Variants in NR2F2 observed in about 807,000 individuals in gnomAD.
NR2F2 encodes the protein nuclear receptor subfamily 2 group F member 2, also known as COUP transcription factor 2.
In NR2F2, 2 loss-of-function variants were observed where a neutral mutation model predicts 34.8. The observed-to-expected ratio is 0.06, with a 90% CI of 0.02 to 0.18. The LOEUF (loss-of-function observed/expected upper bound fraction) is 0.18. NR2F2 is among the 10% of genes least tolerant of loss of function. NR2F2 has a pLI of 1.00. For missense variants in NR2F2, 300 were observed against 580.1 expected (o/e 0.52, Z 4.96); for synonymous variants, 274 against 251.8 (o/e 1.09, Z -0.84).
In NR2F2 at chr15:96,331,312, C is replaced by T. The variant is rs1011956447; in HGVS notation, c.-794C>T. 2 of 1,149,702 alleles carry T rather than the reference C, an allele frequency of 1.7e-6. No individual in the cohort carries two copies. The highest frequency in any genetic ancestry group is 2.1e-6 in the Non-Finnish European group (2 of 935,822). The allele number at this position is 1,149,702 out of a possible 1,614,324, so 71.2% of individuals were successfully genotyped here. ...CGGCGGCGGCGGCCCAGCGCCAGGA[C>T]GACGCCGCGCAGCGCCCGACGCGGA... is the stretch of plus-strand genomic sequence containing the variant. On this transcript the variant is annotated 5_prime_UTR_variant, in exon 1 of 3. In the 5' UTR this introduces an upstream ATG that the reference lacks. Coordinates refer to ENST00000394166, the MANE Select transcript of NR2F2 (RefSeq NM_021005.4).
upstream of NR2F2, chr15:96,326,976 C>G (rs929038320): frequency 6.5e-6 from 1 of 152,796 alleles, no homozygotes; most frequent in African/African-American, 2.4e-5. The surrounding 1 kb of genome is among the most constrained non-coding windows in gnomAD (Gnocchi z 5.5). Context: ...GGCGGTGGAG[C>G]TGGCGTGCGG....
At chr15:96,337,234 C>A in intron 2 of NR2F2, 114 bp from the exon 3 acceptor site, 2 of 1,246,866 alleles carry the variant, frequency 1.6e-6, no homozygotes, top group Non-Finnish European at 2.2e-6. Flanking sequence ...GAGCTCTGTG[C>A]ACACACCTCA....
At position 96,331,265 on chromosome 15, in the gene NR2F2, G is replaced by A. The variant is rs1899131493; in HGVS notation, c.-841G>A. 1.8e-5 allele frequency: 18 copies of A among 997,140 alleles called. No individual in the cohort carries two copies. The highest frequency in any genetic ancestry group is 6.1e-5 in the Admixed American group (1 of 16,324). The allele number at this position is 997,140 out of a possible 1,614,324, so 61.8% of individuals were successfully genotyped here. ...GGCGGCCGGAGAGAGCGAGGCGCGC[G>A]CCGGACGCCCGGGGCAGGCGGCGGC... On this transcript the variant is annotated 5_prime_UTR_variant, in exon 1 of 3. Transcript: ENST00000394166.
At position 96,330,927 on chromosome 15, in the gene NR2F2, T is replaced by C. The variant is rs887187301; in HGVS notation, c.-1179T>C. ...CTCTTTCATTCTTTCTCTCCGTCTT[T>C]TTCTCCCCCCTCTGCGCACGAAGGA... On this transcript the variant is annotated 5_prime_UTR_variant, in exon 1 of 3. Transcript: ENST00000394166. 10 of 1,133,352 alleles carry C rather than the reference T, an allele frequency of 8.8e-6. No individual in the cohort carries two copies. In the African/African-American group the frequency reaches 1.7e-4, roughly 19 times the overall value. The allele number at this position is 1,133,352 out of a possible 1,614,324, so 70.2% of individuals were successfully genotyped here.
upstream of NR2F2, among the ~76,000 whole-genome samples, chr15:96,326,556 G>A (rs1898993055): frequency 6.6e-6 from 1 of 151,424 alleles, no homozygotes; most frequent in African/African-American, 2.4e-5. The surrounding 1 kb of genome is among the most constrained non-coding windows in gnomAD (Gnocchi z 5.5). Context: ...TTACATGTGT[G>A]TGGTAGGAGA....
upstream of NR2F2, chr15:96,327,293 T>C (rs1206426921): frequency 2.6e-5 from 4 of 152,170 alleles, no homozygotes; most frequent in Non-Finnish European, 4.4e-5. Context: ...TGAAGAATTA[T>C]TCAGATTAAA....
chr15:96,334,811 T>C (rs1427849476), intron 2 of NR2F2, among the ~76,000 whole-genome samples: 1 of 152,260 alleles, frequency 6.6e-6, no homozygotes, highest in Non-Finnish European at 1.5e-5. Context: ...GCAGGAAGGA[T>C]GCTTCAGATA....
intron 2 of NR2F2, among the ~76,000 whole-genome samples, chr15:96,334,967 G>C (rs1302612835): frequency 6.6e-6 from 1 of 152,260 alleles, no homozygotes; most frequent in Non-Finnish European, 1.5e-5. Context: ...CAAGCCCTCG[G>C]TTTTCTCTAG....
At position 96,330,861 on chromosome 15, in the gene NR2F2, A is replaced by C; in HGVS notation, c.-1245A>C. ...TCTTCTTCTCCTCCTCCTCTCCCCGAGTTGCCTCCTTTCTCCGGGTGCCGT... is the reference window on the plus strand; with the variant it reads ...TCTTCTTCTCCTCCTCCTCTCCCCGCGTTGCCTCCTTTCTCCGGGTGCCGT... On this transcript the variant is annotated 5_prime_UTR_variant, in exon 1 of 3. Coordinates refer to ENST00000394166, the MANE Select transcript of NR2F2 (RefSeq NM_021005.4). 1 of 1,157,914 alleles carries C rather than the reference A, an allele frequency of 8.6e-7. No homozygotes were observed. Among genetic ancestry groups the C allele is most frequent in the Non-Finnish European group, 1.1e-6 (1 of 940,782 alleles). 71.7% of individuals were successfully genotyped at this position (1,157,914 alleles called of 1,614,324 possible).
chr15:96,332,274 G>T lies in NR2F2; in HGVS notation c.169G>T (p.Ala57Ser), dbSNP rs1237749976. ...GPASTPAQTA[A>S]GGQGGPGGPG... The stretch of plus-strand genomic sequence containing the variant: ...AGCCAGCACGCCAGCCCAGACGGCG[G>T]CCGGTGGCCAGGGCGGCCCTGGCGG... The change falls in exon 1 of 3, where the codon GCC (alanine) becomes TCC (serine). Residue 57 changes from alanine to serine, a missense_variant. Physicochemically the swap from Ala to Ser is moderately conservative, Grantham distance 99. This residue lies in a region of NR2F2 where 105 missense variants were observed against 107.8 expected (regional missense o/e 0.97). Transcript: ENST00000394166. The T allele has an allele frequency of 1.3e-6, 2 of 1,553,382 alleles. No homozygotes were observed. The highest frequency in any genetic ancestry group is 1.7e-6 in the Non-Finnish European group (2 of 1,150,118).
Position 96,332,165 on chromosome 15 carries a change from C to A in NR2F2, c.60C>A (p.Gly20=). 7.4e-7 allele frequency: 1 copy of A among 1,345,142 alleles called. No individual in the cohort carries two copies. The highest frequency in any genetic ancestry group is 9.5e-7 in the Non-Finnish European group (1 of 1,049,490). The allele number at this position is 1,345,142 out of a possible 1,614,324, so 83.3% of individuals were successfully genotyped here. The stretch of plus-strand genomic sequence containing the variant: ...AGGACGAGGTGCCCGGCTCACAGGG[C>A]AGCCAGGCCTCGCAGGCGCCGCCCG... The part of the protein sequence containing the change: ...DPQDEVPGSQ[G]SQASQAPPVP... Residue 20 remains glycine (G), a synonymous_variant, in exon 1 of 3, where the codon GGC becomes GGA. Coordinates refer to ENST00000394166, the MANE Select transcript of NR2F2 (RefSeq NM_021005.4).
upstream of NR2F2, among the ~76,000 whole-genome samples, chr15:96,328,670 A>C (rs146998567): frequency 4.6e-5 from 7 of 152,212 alleles, no homozygotes; most frequent in East Asian, 1.4e-3. Flanking sequence ...TGTGTCTCTA[A>C]TTAACCTGAA....
At chr15:96,334,928 CGGGCCTGCTGGGCCCCA>C (rs1452500211) in intron 2 of NR2F2, among the ~76,000 whole-genome samples, 3 of 152,246 alleles carry the variant, frequency 2.0e-5, no homozygotes, top group African/African-American at 2.4e-5. Context: ...CCAGGCCCCC[CGGGCCTGCTGGGCCCCA>C]GGGAATCTCC....
chr15:96,336,496 A>G (rs1899331213), intron 2 of NR2F2, among the ~76,000 whole-genome samples: 1 of 152,166 alleles, frequency 6.6e-6, no homozygotes, highest in Non-Finnish European at 1.5e-5. Flanking sequence ...TGTTAACCCC[A>G]GTCTTGTATG....
At chr15:96,333,243 T>C (rs960891041) in intron 1 of NR2F2, 2 of 693,744 alleles carry the variant, frequency 2.9e-6, no homozygotes, top group African/African-American at 3.9e-5. Context: ...CCGCGAGCCG[T>C]GCTTTGCCAA....
chr15:96,327,163 G>A (rs1407787502), upstream of NR2F2: 2 of 144,990 alleles, frequency 1.4e-5, no homozygotes, highest in East Asian at 2.1e-4. Flanking sequence ...TGAGGGGGAC[G>A]CACATAAACC....
chr15:96,326,431 AC>A, upstream of NR2F2: 1 of 1,247,106 alleles, frequency 8.0e-7, no homozygotes, highest in Admixed American at 1.7e-5. This position sits in a 1 kb window ranked among gnomAD's most constrained non-coding sequence, Gnocchi z 5.5. Context: ...GTTGGGGATG[AC>A]TTGGGGCTTT....
At chr15:96,333,714 C>T (rs1899228454) in intron 1 of NR2F2, 1 of 1,200,438 alleles carries the variant, frequency 8.3e-7, no homozygotes. Context: ...CCCTCTCCTC[C>T]AATCAATAAG....
In NR2F2 at chr15:96,339,078, T is replaced by TA. The variant is rs1314616741; in HGVS notation, c.*1461dup. ...CCATTCACCTAATCCTCCTTTTAAT[T>TA]AAAAATGGATTTTCCAGGAAAAAAA... is the stretch of plus-strand genomic sequence containing the variant. On this transcript the variant is annotated 3_prime_UTR_variant, in exon 3 of 3. Transcript: ENST00000394166. 1 of 151,566 alleles carries TA rather than the reference T, an allele frequency of 6.6e-6. No homozygotes were observed. Among genetic ancestry groups the TA allele is most frequent in the Non-Finnish European group, 1.5e-5 (1 of 67,948 alleles). 9.4% of individuals were successfully genotyped at this position (151,566 alleles called of 1,614,324 possible).
Sources: gnomAD v4.1 joint callset for allele counts (sites outside exome capture counted in the v4.1 genomes callset) on GRCh38, gnomAD v4.1.1 for gene constraint, gnomAD v4.1.1 regional missense constraint, Gnocchi (gnomAD v3.1) non-coding constraint, MANE v1.5 for transcripts, NCBI Gene and HGNC (gene_info 2026-07-23, HGNC 2026-07-21) for gene names.